LDB3: variants seen among roughly 807,000 people sequenced by gnomAD.
The protein encoded by LDB3 is LIM domain-binding protein 3.
In LDB3, 49 loss-of-function variants were observed where a neutral mutation model predicts 69.0. That is an observed-to-expected ratio of 0.71 (90% CI 0.56 to 0.90). The LOEUF (loss-of-function observed/expected upper bound fraction) is 0.90, where lower values mean the gene tolerates loss of function less well. Ranked by LOEUF, LDB3 falls within the 40% of genes least tolerant of loss-of-function variation. LDB3 has a pLI of 0.00. For synonymous variants in LDB3, 387 were observed against 396.2 expected (o/e 0.98, Z 0.28); for missense variants, 928 against 974.1 (o/e 0.95, Z 0.63).
intron 13 of LDB3, among the ~76,000 whole-genome samples, chr10:86,730,499 A>T (rs1847417661): frequency 6.6e-6 from 1 of 152,222 alleles, no homozygotes; most frequent in South Asian, 2.1e-4. Flanking sequence ...CATCTGTACA[A>T]ACCCATGAAC....
chr10:86,684,341 G>C (rs1445056195), intron 5 of LDB3, among the ~76,000 whole-genome samples: 2 of 152,258 alleles, frequency 1.3e-5, no homozygotes, highest in African/African-American at 4.8e-5. Flanking sequence ...GAGAAGCTGA[G>C]CAGGAGGCAG....
chr10:86,689,025 G>C (rs933755020), intron 5 of LDB3, among the ~76,000 whole-genome samples: 2 of 141,780 alleles, frequency 1.4e-5, no homozygotes, highest in Non-Finnish European at 3.1e-5. Flanking sequence ...ACGCTGAGCT[G>C]ACCATGCTGT....
At chr10:86,679,683 A>G (rs1845004289) in intron 3 of LDB3, among the ~76,000 whole-genome samples, 165 bp downstream of exon 3, 1 of 152,236 alleles carries the variant, frequency 6.6e-6, no homozygotes, top group South Asian at 2.1e-4. Context: ...AACAGGCCCA[A>G]GTCGCTGTCA....
At chr10:86,715,788 G>A (rs576569692) in intron 9 of LDB3, among the ~76,000 whole-genome samples, 2 of 152,134 alleles carry the variant, frequency 1.3e-5, no homozygotes, top group Non-Finnish European at 2.9e-5. Context: ...TGTTTTTCAA[G>A]AAAGTAATTG....
At chr10:86,666,999 TG>T (rs1274473484), upstream of LDB3, among the ~76,000 whole-genome samples, 2 of 151,992 alleles carry the variant, frequency 1.3e-5, no homozygotes, top group Non-Finnish European at 2.9e-5. Flanking sequence ...ATGAATGACA[TG>T]GGGCTTTGCA....
chr10:86,731,113 C>A (rs1244810737), intron 13 of LDB3, among the ~76,000 whole-genome samples: 17 of 149,922 alleles, frequency 1.1e-4, no homozygotes, highest in Admixed American at 1.1e-3. Flanking sequence ...TGAGATCGCG[C>A]CACTGCACTC....
chr10:86,699,091 A>AT lies in LDB3; in HGVS notation c.896+6521dup, dbSNP rs1486474295. Among the ~76,000 whole-genome samples the AT allele has an allele frequency of 2.6e-5, 4 of 151,768 alleles. No individual in the cohort carries two copies. Among genetic ancestry groups the AT allele is most frequent in the Admixed American group, 6.6e-5 (1 of 15,254 alleles). On this transcript the variant is annotated intron_variant, in intron 7 of 13. Coordinates refer to ENST00000361373, the MANE Select transcript of LDB3 (RefSeq NM_007078.3). The surrounding 1 kb of genome is among the most constrained non-coding windows in gnomAD (Gnocchi z 4.9). ...TAACCCAGGCCTGACCTGGGTTACA[A>AT]TGTACCCCATGGATTGCATAGCTTC... is the stretch of plus-strand genomic sequence containing the variant.
chr10:86,721,845 C>T lies in LDB3; in HGVS notation c.1978+2998C>T, dbSNP rs1847093093. Among the ~76,000 whole-genome samples, 5 of 152,196 alleles carry T rather than the reference C, an allele frequency of 3.3e-5. No homozygotes were observed. The South Asian group carries it at 1.0e-3, about 32-fold the overall frequency. ...AAAAGTACCAAGCCCCTTTTCAACA[C>T]AGAGCACCTGCAATTTGATGGACAG... On this transcript the variant is annotated intron_variant, in intron 12 of 13. Transcript: ENST00000361373.
At chr10:86,702,798 T>A (rs1846312341) in intron 7 of LDB3, among the ~76,000 whole-genome samples, 1 of 152,124 alleles carries the variant, frequency 6.6e-6, no homozygotes, top group Admixed American at 6.5e-5. Context: ...CCAAGATCCT[T>A]CAAGATACCC....
chr10:86,715,728 C>T (rs73346106), intron 9 of LDB3, among the ~76,000 whole-genome samples: 2,334 of 152,158 alleles, frequency 0.015, 59 homozygotes, highest in African/African-American at 0.054. Context: ...AGATCCCCCA[C>T]CCTAATCAAA....
At chr10:86,668,321 G>A (rs1844260339), upstream of LDB3, 1 of 354,994 alleles carries the variant, frequency 2.8e-6, no homozygotes, top group Non-Finnish European at 5.5e-6. Flanking sequence ...CACCAACCAG[G>A]CCAGTTCCCC....
intron 7 of LDB3, among the ~76,000 whole-genome samples, chr10:86,695,710 C>T (rs968407960): frequency 2.0e-5 from 3 of 152,286 alleles, no homozygotes; most frequent in East Asian, 1.9e-4. Context: ...TCAGAGTCAT[C>T]GCCACAGCTT....
At chr10:86,719,103 A>C (rs1422560951) in intron 12 of LDB3, among the ~76,000 whole-genome samples, 1 of 152,188 alleles carries the variant, frequency 6.6e-6, no homozygotes, top group African/African-American at 2.4e-5. Context: ...TTTATGCATC[A>C]AATATGTGGA....
chr10:86,691,588 T>C (rs1845764344), intron 5 of LDB3, among the ~76,000 whole-genome samples: 1 of 151,984 alleles, frequency 6.6e-6, no homozygotes, highest in South Asian at 2.1e-4. Context: ...GTTTCCTCCC[T>C]CTGTAAAGGG....
chr10:86,674,108 T>C (rs1202776768), intron 2 of LDB3, among the ~76,000 whole-genome samples: 1 of 152,154 alleles, frequency 6.6e-6, no homozygotes, highest in African/African-American at 2.4e-5. Context: ...TTGTTTCCTG[T>C]GGAGCCCGGG....
chr10:86,709,936 G>GCC lies in LDB3; in HGVS notation c.1118_1119dup (p.Ala374ProfsTer119). On this transcript the variant is annotated frameshift_variant, in exon 9 of 14. Coordinates refer to ENST00000361373, the MANE Select transcript of LDB3 (RefSeq NM_007078.3). LOFTEE classifies it high-confidence loss of function. ...GGCCTCTTCCTACAGCCCCGCAGTG[G>GCC]CCGCCTCTTCAGCACCTGCCACCCA... 6.2e-7 allele frequency: 1 copy of GCC among 1,612,158 alleles called. No individual in the cohort carries two copies. Among genetic ancestry groups the GCC allele is most frequent in the South Asian group, 1.1e-5 (1 of 91,074 alleles).
At chr10:86,704,380 G>A (rs1846366899) in intron 7 of LDB3, among the ~76,000 whole-genome samples, 1 of 151,982 alleles carries the variant, frequency 6.6e-6, no homozygotes, top group African/African-American at 2.4e-5. Flanking sequence ...CAATGGCTCA[G>A]GGAGGTTTAA....
Position 86,680,156 on chromosome 10 carries a change from A to T in LDB3, c.320A>T (p.Lys107Met). 6.2e-7 allele frequency: 1 copy of T among 1,613,912 alleles called. No homozygotes were observed. Among genetic ancestry groups the T allele is most frequent in the Non-Finnish European group, 8.5e-7 (1 of 1,179,780 alleles). ...CCTCTGCCGGTGATCCCTCACCAGA[A>T]GGTAGGTGCTGACTGTGGCGGCGGG... The part of the protein sequence containing the change: ...QTPLPVIPHQ[K>M]DPALDTNGSL... The change falls in exon 4 of 14, where the codon AAG becomes ATG. Residue 107 changes from lysine (K) to methionine (M), a missense_variant and splice_region_variant. Coordinates refer to ENST00000361373, the MANE Select transcript of LDB3 (RefSeq NM_007078.3).
In LDB3 at chr10:86,699,643, T is replaced by G; in HGVS notation, c.897-6888T>G. 3 of 1,329,572 alleles carry G rather than the reference T, an allele frequency of 2.3e-6. No homozygotes were observed. Among genetic ancestry groups the G allele is most frequent in the Non-Finnish European group, 2.9e-6 (3 of 1,031,902 alleles). 82.4% of individuals were successfully genotyped at this position (1,329,572 alleles called of 1,614,324 possible). On this transcript the variant is annotated intron_variant, in intron 7 of 13. Coordinates refer to ENST00000361373, the MANE Select transcript of LDB3 (RefSeq NM_007078.3). This position sits in a 1 kb window ranked among gnomAD's most constrained non-coding sequence, Gnocchi z 4.9. ...GCCCGTAGCCCAATCCCCTGCCCTCTGCACAGGGCCTTAGCTGTAGACCAG... is the reference window on the plus strand; with the variant it reads ...GCCCGTAGCCCAATCCCCTGCCCTCGGCACAGGGCCTTAGCTGTAGACCAG...
Sources: gnomAD v4.1 joint callset for allele counts (sites outside exome capture counted in the v4.1 genomes callset) on GRCh38, gnomAD v4.1.1 for gene constraint, Gnocchi (gnomAD v3.1) non-coding constraint, MANE v1.5 for transcripts, NCBI Gene and HGNC (gene_info 2026-07-23, HGNC 2026-07-21) for gene names.